Variants in DERA observed in about 807,000 individuals in gnomAD.
The protein encoded by DERA is 2-deoxy-D-ribose 5-phosphate aldolase.
In DERA, 15 loss-of-function variants were observed where a neutral mutation model predicts 41.1. The observed-to-expected ratio is 0.37, with a 90% confidence interval of 0.24 to 0.56. The LOEUF (loss-of-function observed/expected upper bound fraction) is 0.56. DERA is among the 20% of genes least tolerant of loss of function. The pLI, the probability that DERA is intolerant of heterozygous loss-of-function variation, is 0.81. For missense variants in DERA, 396 were observed against 403.4 expected (o/e 0.98, Z 0.16); for synonymous variants, 139 against 137.4 (o/e 1.01, Z -0.08).
rs1224075281 is a variant in DERA, at chr12:15,943,461, C to G, written c.32-13475C>G. Among the ~76,000 whole-genome samples the G allele has an allele frequency of 1.3e-5, 2 of 152,096 alleles. No homozygotes were observed. Among genetic ancestry groups the G allele is most frequent in the Non-Finnish European group, 2.9e-5 (2 of 68,020 alleles). On this transcript the variant is annotated intron_variant, in intron 1 of 8. Coordinates refer to ENST00000428559, the MANE Select transcript of DERA (RefSeq NM_015954.4). The surrounding 1 kb of genome is among the most constrained non-coding windows in gnomAD (Gnocchi z 4.5). The stretch of plus-strand genomic sequence containing the variant: ...ATCATTTCAGCCCTTGCTGAAAATT[C>G]TCTAAAAGACTTCCCATCTCACATG...
chr12:15,933,333 A>T (rs1224661413), intron 1 of DERA, among the ~76,000 whole-genome samples: 1 of 152,108 alleles, frequency 6.6e-6, no homozygotes, highest in Non-Finnish European at 1.5e-5. Context: ...TCATTTTTTT[A>T]AATTATCTGT....
intron 6 of DERA, among the ~76,000 whole-genome samples, chr12:16,018,533 C>G (rs1299718664): frequency 2.0e-5 from 3 of 152,120 alleles, no homozygotes; most frequent in African/African-American, 7.2e-5. Flanking sequence ...ATTTTGAAGA[C>G]TGTCTTGAGT....
In DERA at chr12:15,992,342, T is replaced by G. The variant is rs530237121; in HGVS notation, c.637+9906T>G. Reference sequence around the variant, plus strand: ...ATGTTATTTTAGAGGGCAACTCTTATTTTAGTTGAACAAAAAGAGAGACAA... The same window carrying G: ...ATGTTATTTTAGAGGGCAACTCTTAGTTTAGTTGAACAAAAAGAGAGACAA... On this transcript the variant is annotated intron_variant, in intron 6 of 8. Transcript: ENST00000428559. This position sits in a 1 kb window ranked among gnomAD's most constrained non-coding sequence, Gnocchi z 4.3. 1.3e-5 allele frequency among the ~76,000 whole-genome samples: 2 copies of G among 152,268 alleles called. No homozygotes were observed. Among genetic ancestry groups the G allele is most frequent in the South Asian group, 4.1e-4 (2 of 4,826 alleles).
chr12:16,032,460 C>A, intron 6 of DERA, 82 bp from the exon 7 acceptor site: 1 of 791,694 alleles, frequency 1.3e-6, no homozygotes, highest in Non-Finnish European at 1.9e-6. Context: ...AAAAAATTTA[C>A]ACAACTCATT....
intron 6 of DERA, among the ~76,000 whole-genome samples, chr12:15,991,303 GT>G (rs1948800625): frequency 6.6e-6 from 1 of 152,100 alleles, no homozygotes. Context: ...TAATGGGGTT[GT>G]TTGCTTTTTC....
chr12:16,027,106 A>G (rs1312067866), intron 6 of DERA, among the ~76,000 whole-genome samples: 1 of 152,168 alleles, frequency 6.6e-6, no homozygotes. Context: ...TTTATAAGAA[A>G]GCCTCGGCAA....
At chr12:15,932,321 G>A (rs139624766) in intron 1 of DERA, among the ~76,000 whole-genome samples, 98 of 152,270 alleles carry the variant, frequency 6.4e-4, no homozygotes, top group Non-Finnish European at 1.2e-3. Flanking sequence ...TGACAAGAAT[G>A]TATGAACCCA....
In DERA at chr12:15,958,352, T is replaced by A; in HGVS notation, c.277+17T>A. 6.3e-7 allele frequency: 1 copy of A among 1,587,932 alleles called. No homozygotes were observed. Among genetic ancestry groups the A allele is most frequent in the Non-Finnish European group, 8.6e-7 (1 of 1,168,328 alleles). ...ATGATAAAGGTAATGTTGTTGTGTG[T>A]GATCTATGTGGTGTTTAGTGCTTAC... is the stretch of plus-strand genomic sequence containing the variant. On this transcript the variant is annotated intron_variant, in intron 3 of 8. Transcript: ENST00000428559.
At chr12:15,950,224 C>T (rs896653252) in intron 1 of DERA, among the ~76,000 whole-genome samples, 7 of 152,182 alleles carry the variant, frequency 4.6e-5, no homozygotes. Context: ...CAGAGCAGCC[C>T]TGAGGGCTTC....
rs568647612 is a variant in DERA at position 15,985,675 on chromosome 12, G to A, written c.637+3239G>A. On this transcript the variant is annotated intron_variant, in intron 6 of 8. Coordinates refer to ENST00000428559, the MANE Select transcript of DERA (RefSeq NM_015954.4). The surrounding 1 kb of genome is among the most constrained non-coding windows in gnomAD (Gnocchi z 4.2). ...GAGATATTTACTTTCCAAATATTTT[G>A]TGCTTTTATGGATATCCTATTGTTG... Among the ~76,000 whole-genome samples the A allele has an allele frequency of 1.3e-5, 2 of 151,202 alleles. No homozygotes were observed. Among genetic ancestry groups the A allele is most frequent in the African/African-American group, 4.9e-5 (2 of 41,132 alleles).
chr12:15,980,189 T>G (rs1053180944), intron 5 of DERA, among the ~76,000 whole-genome samples: 1 of 152,240 alleles, frequency 6.6e-6, no homozygotes, highest in Non-Finnish European at 1.5e-5. Flanking sequence ...AAGTACTTTG[T>G]ATATCTCTCT....
rs1276544054 is a variant in DERA at position 15,970,456 on chromosome 12, T to C, written c.508+7509T>C. On this transcript the variant is annotated intron_variant, in intron 5 of 8. Coordinates refer to ENST00000428559, the MANE Select transcript of DERA (RefSeq NM_015954.4). This position sits in a 1 kb window ranked among gnomAD's most constrained non-coding sequence, Gnocchi z 4.3. ...CTAGAGCAGTGCTTTTCCAGAATAC[T>C]TAGCAGATTGCCAGCCGCTTCAAAA... Among the ~76,000 whole-genome samples the C allele has an allele frequency of 1.3e-5, 2 of 152,202 alleles. No individual in the cohort carries two copies. Among genetic ancestry groups the C allele is most frequent in the Non-Finnish European group, 2.9e-5 (2 of 68,026 alleles).
rs1401014758 is a variant in DERA at position 15,938,311 on chromosome 12, A to G, written c.32-18625A>G. On this transcript the variant is annotated intron_variant, in intron 1 of 8. Transcript: ENST00000428559. The surrounding 1 kb of genome is among the most constrained non-coding windows in gnomAD (Gnocchi z 4.1). ...ATTATATAATTAAAAATATTGAATGATACATTGCCTTTATTTTATTGGTAG... is the reference window on the plus strand; with the variant it reads ...ATTATATAATTAAAAATATTGAATGGTACATTGCCTTTATTTTATTGGTAG... Among the ~76,000 whole-genome samples the G allele has an allele frequency of 7.2e-5, 11 of 152,318 alleles. No individual in the cohort carries two copies. In the East Asian group the frequency reaches 2.1e-3, roughly 29 times the overall value.
At chr12:15,973,901 A>G (rs1276597197) in intron 5 of DERA, among the ~76,000 whole-genome samples, 1 of 152,174 alleles carries the variant, frequency 6.6e-6, no homozygotes, top group Non-Finnish European at 1.5e-5. Context: ...AATTACAACA[A>G]ACATATCAAA....
rs1259059029 is a variant in DERA, at chr12:16,012,017, T to G, written c.638-20525T>G. On this transcript the variant is annotated intron_variant, in intron 6 of 8. Transcript: ENST00000428559. The surrounding 1 kb of genome is among the most constrained non-coding windows in gnomAD (Gnocchi z 4.1). ...GGCAATCAAACCAAGAAAAAACACA[T>G]AAAACATGCATAACTAAGTCAGTGT... is the stretch of plus-strand genomic sequence containing the variant. 6.6e-6 allele frequency among the ~76,000 whole-genome samples: 1 copy of G among 152,140 alleles called. No homozygotes were observed. Among genetic ancestry groups the G allele is most frequent in the Non-Finnish European group, 1.5e-5 (1 of 68,024 alleles).
intron 6 of DERA, among the ~76,000 whole-genome samples, chr12:16,016,617 T>A (rs1205685352): frequency 6.6e-6 from 1 of 151,454 alleles, no homozygotes; most frequent in East Asian, 1.9e-4. Flanking sequence ...CCAGACAACA[T>A]GGTAAAACCC....
At position 15,960,636 on chromosome 12, in the gene DERA, CAAAAAAAAAAAAAA is replaced by C. The variant is rs1163104277; in HGVS notation, c.373+726_373+739del. On this transcript the variant is annotated intron_variant, in intron 4 of 8. Coordinates refer to ENST00000428559, the MANE Select transcript of DERA (RefSeq NM_015954.4). ...TGGGTGATAGACCAAGACTCCGTCT[CAAAAAAAAAAAAAA>C]AAAAAAAAAAAAACAACGATATGTG... Among the ~76,000 whole-genome samples the C allele has an allele frequency of 1.4e-4, 4 of 28,718 alleles. 1 individual carries two copies. The highest frequency in any genetic ancestry group is 2.2e-3 in the East Asian group (2 of 914). The allele number at this position is 28,718 out of a possible 152,430, so 18.8% of individuals were successfully genotyped here.
intron 4 of DERA, among the ~76,000 whole-genome samples, chr12:15,960,797 G>A (rs1948582074): frequency 6.6e-6 from 1 of 152,146 alleles, no homozygotes; most frequent in Non-Finnish European, 1.5e-5. Context: ...ATGAGGAGGA[G>A]TTCACAGTGT....
rs1252389854 is a variant in DERA at position 15,983,412 on chromosome 12, T to C, written c.637+976T>C. Among the ~76,000 whole-genome samples the C allele has an allele frequency of 6.6e-6, 1 of 152,212 alleles. No individual in the cohort carries two copies. Reference sequence around the variant, plus strand: ...TCTGCAGATGGTGCCATCCAACCTTTTGAGTCTTTGTACGTTCTGTGCCTC... The same window carrying C: ...TCTGCAGATGGTGCCATCCAACCTTCTGAGTCTTTGTACGTTCTGTGCCTC... On this transcript the variant is annotated intron_variant, in intron 6 of 8. Transcript: ENST00000428559. This position sits in a 1 kb window ranked among gnomAD's most constrained non-coding sequence, Gnocchi z 6.2.
Sources: allele counts gnomAD v4.1 joint callset (sites outside exome capture counted in the v4.1 genomes callset), GRCh38; gene constraint gnomAD v4.1.1; non-coding constraint Gnocchi (gnomAD v3.1); transcripts MANE v1.5; gene names NCBI Gene and HGNC (gene_info 2026-07-23, HGNC 2026-07-21).